AGBL1: variants seen among roughly 807,000 people sequenced by gnomAD.
The protein encoded by AGBL1 is AGBL carboxypeptidase 1, also known as cytosolic carboxypeptidase 4.
Under a neutral mutation model 118.9 loss-of-function variants are expected in AGBL1, and 130 were observed. The observed-to-expected ratio is 1.09, with a 90% CI of 0.95 to 1.26. The LOEUF is 1.26. Among genes scored for constraint, AGBL1 ranks in the 50% most tolerant of loss-of-function variants. The probability of loss-of-function intolerance (pLI) is 0.00; values close to 1 mark genes in which losing one functional copy is unlikely to be tolerated. For missense variants in AGBL1, 1,584 were observed against 1,298.1 expected (o/e 1.22, Z -3.38); for synonymous variants, 555 against 478.9 (o/e 1.16, Z -2.08).
Position 86,452,927 on chromosome 15 carries a change from C to G in AGBL1, c.2555+55381C>G, listed in dbSNP as rs138952024. 1.6e-3 allele frequency among the ~76,000 whole-genome samples: 251 copies of G among 152,302 alleles called. 4 individuals carry two copies. The highest frequency in any genetic ancestry group is 2.6e-4 in the Non-Finnish European group (18 of 68,014). On this transcript the variant is annotated intron_variant, in intron 18 of 22. Coordinates refer to ENST00000614907, the MANE Select transcript of AGBL1 (RefSeq NM_001386094.1). ...CCTGGTATGTACCCGGTCTGCTCTG[C>G]TCAATAATAACCTAATTAGGTCCCT...
chr15:86,387,081 C>A (rs1045426599), intron 17 of AGBL1, among the ~76,000 whole-genome samples: 29 of 151,838 alleles, frequency 1.9e-4, no homozygotes, highest in Non-Finnish European at 3.8e-4. Flanking sequence ...TGGAAGAGAC[C>A]AAATATGAAA....
At chr15:86,632,274 T>TTAAAAAAAAA (rs2084984289) in intron 21 of AGBL1, among the ~76,000 whole-genome samples, 1 of 125,280 alleles carries the variant, frequency 8.0e-6, no homozygotes, top group Non-Finnish European at 1.6e-5. Flanking sequence ...TCTTTCTCTT[T>TTAAAAAAAAA]AAAAAAAAAA....
chr15:86,700,466 A>G (rs910777185), intron 22 of AGBL1, among the ~76,000 whole-genome samples: 5 of 84,766 alleles, frequency 5.9e-5, no homozygotes, highest in Non-Finnish European at 1.1e-4. Flanking sequence ...TCAGCAGACT[A>G]ATACACACAC....
chr15:86,135,833 C>G (rs111318701), intron 1 of AGBL1, among the ~76,000 whole-genome samples: 33 of 152,258 alleles, frequency 2.2e-4, no homozygotes, highest in African/African-American at 7.7e-4. Flanking sequence ...TTTGATTAAT[C>G]AATAGAATGT....
chr15:86,930,777 T>C (rs920439576), intron 23 of AGBL1, among the ~76,000 whole-genome samples: 1 of 152,204 alleles, frequency 6.6e-6, no homozygotes, highest in Non-Finnish European at 1.5e-5. Context: ...GAACCATAGA[T>C]ATAAAGGAAA....
intron 17 of AGBL1, among the ~76,000 whole-genome samples, chr15:86,334,331 C>CA (rs1219066489): frequency 2.0e-5 from 3 of 152,262 alleles, no homozygotes; most frequent in African/African-American, 7.2e-5. Context: ...TTTCAGGATA[C>CA]AAAATCAATG....
At chr15:86,847,250 C>T (rs941791266) in intron 22 of AGBL1, among the ~76,000 whole-genome samples, 1 of 152,132 alleles carries the variant, frequency 6.6e-6, no homozygotes, top group Admixed American at 6.6e-5. Flanking sequence ...AATCTATAGG[C>T]CCACTCAAAG....
chr15:86,595,563 A>C (rs1157019724), intron 21 of AGBL1, among the ~76,000 whole-genome samples: 1 of 152,070 alleles, frequency 6.6e-6, no homozygotes, highest in African/African-American at 2.4e-5. Flanking sequence ...ATTATCAACT[A>C]TTATCTCCTC....
At chr15:86,841,587 T>C (rs2141438039) in intron 22 of AGBL1, among the ~76,000 whole-genome samples, 1 of 152,314 alleles carries the variant, frequency 6.6e-6, no homozygotes, top group Non-Finnish European at 1.5e-5. Context: ...GGCTCGTGCC[T>C]ATAATCCCAG....
At chr15:86,425,159 G>A (rs971113238) in intron 18 of AGBL1, among the ~76,000 whole-genome samples, 2 of 152,180 alleles carry the variant, frequency 1.3e-5, no homozygotes, top group African/African-American at 4.8e-5. Flanking sequence ...ATCAGTGATA[G>A]GCTGGATAAA....
rs554418913 is a variant in AGBL1 at position 86,833,204 on chromosome 15, C to T, written c.3159-73883C>T. 2.2e-4 allele frequency among the ~76,000 whole-genome samples: 33 copies of T among 152,190 alleles called. No homozygotes were observed. In the South Asian group the frequency reaches 4.8e-3, roughly 22 times the overall value. ...AGATTTGGGTGGGACCCAGCCAAACCATATCACCCATTTAATGGCAAAAAG... is the reference window on the plus strand; with the variant it reads ...AGATTTGGGTGGGACCCAGCCAAACTATATCACCCATTTAATGGCAAAAAG... On this transcript the variant is annotated intron_variant, in intron 22 of 22. Transcript: ENST00000614907.
At chr15:86,411,583 T>C (rs2081621906) in intron 18 of AGBL1, among the ~76,000 whole-genome samples, 1 of 152,182 alleles carries the variant, frequency 6.6e-6, no homozygotes, top group Non-Finnish European at 1.5e-5. Context: ...TACTCCTTCA[T>C]TGCCCACCTT....
chr15:86,405,630 T>C (rs1225416715), intron 18 of AGBL1, among the ~76,000 whole-genome samples: 1 of 152,176 alleles, frequency 6.6e-6, no homozygotes, highest in Admixed American at 6.5e-5. Context: ...AATAGTACAA[T>C]GGCTAATACA....
At chr15:86,819,744 TC>T (rs2078913268) in intron 22 of AGBL1, among the ~76,000 whole-genome samples, 1 of 152,172 alleles carries the variant, frequency 6.6e-6, no homozygotes, top group Non-Finnish European at 1.5e-5. Flanking sequence ...TTCAATGCTA[TC>T]CCCATCAACT....
intron 21 of AGBL1, among the ~76,000 whole-genome samples, chr15:86,608,171 G>T (rs1444092473): frequency 6.6e-6 from 1 of 152,162 alleles, no homozygotes; most frequent in Admixed American, 6.6e-5. Flanking sequence ...ATCCAGAACA[G>T]CTTTATCCCT....
intron 22 of AGBL1, among the ~76,000 whole-genome samples, chr15:86,784,476 T>C (rs2078378562): frequency 6.6e-6 from 1 of 152,218 alleles, no homozygotes; most frequent in Admixed American, 6.5e-5. Flanking sequence ...TCGTTATGAA[T>C]GCAGAGACCC....
Position 86,143,775 on chromosome 15 carries a change from G to A in AGBL1, c.192G>A (p.Ala64=), listed in dbSNP as rs1470499734. The A allele has an allele frequency of 2.2e-5, 35 of 1,613,818 alleles. No individual in the cohort carries two copies. The highest frequency in any genetic ancestry group is 5.3e-5 in the African/African-American group (4 of 74,944). Residue 64 remains alanine (A), a synonymous_variant, in exon 3 of 23, where the codon GCG becomes GCA. Transcript: ENST00000614907. ...TTCTGCAGACCCTGGTAGACACAGCGAGGACAGCTCCTCCAGACTATGACA... is the reference window on the plus strand; with the variant it reads ...TTCTGCAGACCCTGGTAGACACAGCAAGGACAGCTCCTCCAGACTATGACA... ...EALLQTLVDT[A]RTAPPDYDIL... is the part of the protein sequence containing the mutation.
chr15:86,833,047 C>G (rs142617265), intron 22 of AGBL1, among the ~76,000 whole-genome samples: 1 of 152,188 alleles, frequency 6.6e-6, no homozygotes, highest in East Asian at 2.0e-4. Flanking sequence ...CAGGGGAACT[C>G]CCCTTTATAA....
intron 22 of AGBL1, among the ~76,000 whole-genome samples, chr15:86,707,670 CT>C (rs1322632945): frequency 2.0e-5 from 3 of 151,840 alleles, no homozygotes; most frequent in African/African-American, 7.3e-5. Flanking sequence ...AATAAAAATC[CT>C]TTTTTCTGGA....
Sources: allele counts gnomAD v4.1 joint callset (sites outside exome capture counted in the v4.1 genomes callset), GRCh38; gene constraint gnomAD v4.1.1; transcripts MANE v1.5; gene names NCBI Gene and HGNC (gene_info 2026-07-23, HGNC 2026-07-21).